Variants in ACSBG1 observed in about 807,000 individuals in gnomAD.
ACSBG1 encodes the protein acyl-CoA synthetase bubblegum family member 1, also known as long-chain-fatty-acid--CoA ligase ACSBG1.
In ACSBG1, 39 loss-of-function variants were observed where a neutral mutation model predicts 80.2. That is an observed-to-expected ratio of 0.49 (90% CI 0.38 to 0.64). The LOEUF (loss-of-function observed/expected upper bound fraction) is 0.64. Ranked by LOEUF, ACSBG1 falls within the 30% of genes least tolerant of loss-of-function variation. The pLI, the probability that ACSBG1 is intolerant of heterozygous loss-of-function variation, is 0.00. For missense variants in ACSBG1, 828 were observed against 966.4 expected (o/e 0.86, Z 1.90); for synonymous variants, 392 against 379.5 (o/e 1.03, Z -0.38).
At chr15:78,230,523 G>A (rs1241993972) in intron 1 of ACSBG1, among the ~76,000 whole-genome samples, 1 of 152,214 alleles carries the variant, frequency 6.6e-6, no homozygotes, top group Non-Finnish European at 1.5e-5. Context: ...CAGGGCAAAC[G>A]GGCAGGACTG....
Position 78,193,922 on chromosome 15 carries a change from C to T in ACSBG1, c.542+10G>A, listed in dbSNP as rs200481684. ...CCCCTGGAGACCCCGTCCCTGCCCCCGCCACTCACCCTGCAAATACTGTGC... is the reference window on the plus strand; with the variant it reads ...CCCCTGGAGACCCCGTCCCTGCCCCTGCCACTCACCCTGCAAATACTGTGC... On this transcript the variant is annotated intron_variant, in intron 4 of 13. Transcript: ENST00000258873. 29 of 1,613,594 alleles carry T rather than the reference C, an allele frequency of 1.8e-5. No individual in the cohort carries two copies. The highest frequency in any genetic ancestry group is 2.3e-5 in the Non-Finnish European group (27 of 1,179,900).
chr15:78,193,643 A>G lies in ACSBG1; in HGVS notation c.543-17T>C. The stretch of plus-strand genomic sequence containing the variant: ...ACGATGCCACTGTAGGAGACCCAGG[A>G]AGATTCACCTTAGGGGAGGTGCAGA... On this transcript the variant is annotated splice_polypyrimidine_tract_variant and intron_variant, in intron 4 of 13. Coordinates refer to ENST00000258873, the MANE Select transcript of ACSBG1 (RefSeq NM_015162.5). 1 of 1,609,748 alleles carries G rather than the reference A, an allele frequency of 6.2e-7. No homozygotes were observed. Among genetic ancestry groups the G allele is most frequent in the South Asian group, 1.1e-5 (1 of 90,254 alleles).
At chr15:78,171,706 T>G in intron 13 of ACSBG1, 177 bp from the exon 14 acceptor site, 1 of 566,358 alleles carries the variant, frequency 1.8e-6, no homozygotes, top group Non-Finnish European at 3.2e-6. Context: ...ATGGCTTGTG[T>G]GTAGTCTCCT....
chr15:78,188,253 A>C (rs904667159), intron 5 of ACSBG1, among the ~76,000 whole-genome samples: 1 of 152,008 alleles, frequency 6.6e-6, no homozygotes, highest in African/African-American at 2.4e-5. Context: ...ATACTGCCCA[A>C]GGTAATTTAC....
At chr15:78,225,517 G>A (rs762917230) in intron 1 of ACSBG1, among the ~76,000 whole-genome samples, 3 of 151,924 alleles carry the variant, frequency 2.0e-5, no homozygotes, top group Non-Finnish European at 4.4e-5. Flanking sequence ...GAAAAAATGT[G>A]CAAGATACCT....
rs913007856 is a variant in ACSBG1, at chr15:78,171,283, G to A, written c.*161C>T. 2.8e-5 allele frequency: 15 copies of A among 542,412 alleles called. No homozygotes were observed. The Admixed American group carries it at 3.5e-4, about 13-fold the overall frequency. 33.6% of individuals were successfully genotyped at this position (542,412 alleles called of 1,614,324 possible). On this transcript the variant is annotated 3_prime_UTR_variant, in exon 14 of 14. Coordinates refer to ENST00000258873, the MANE Select transcript of ACSBG1 (RefSeq NM_015162.5). ...TTCTTGGAATTGTCAGCTATTGTTG[G>A]CGTAAGACCTGGTAAATGTAGAGCC... is the stretch of plus-strand genomic sequence containing the variant.
rs1355950102 is a variant in ACSBG1, at chr15:78,182,004, C to T, written c.1036G>A (p.Ala346Thr). The T allele has an allele frequency of 2.2e-5, 35 of 1,613,908 alleles. No individual in the cohort carries two copies. Among genetic ancestry groups the T allele is most frequent in the Non-Finnish European group, 2.7e-5 (32 of 1,179,990 alleles). The change falls in exon 8 of 14, where the codon GCC (alanine) becomes ACC (threonine). Residue 346 changes from alanine to threonine, a missense_variant. Ala to Thr is a moderately conservative substitution (Grantham distance 58, BLOSUM62 0). Transcript: ENST00000258873. Reference sequence around the variant, plus strand: ...TCGGGTTCGGCAAAGCAAACCTGGGCCCCCCACTGGATGCCTGTCCACAGG... The same window carrying T: ...TCGGGTTCGGCAAAGCAAACCTGGGTCCCCCACTGGATGCCTGTCCACAGG... ...YDLWTGIQWG[A>T]QVCFAEPDAL... is the part of the protein sequence containing the mutation.
At chr15:78,191,973 A>G (rs903608016) in intron 5 of ACSBG1, among the ~76,000 whole-genome samples, 13 of 152,188 alleles carry the variant, frequency 8.5e-5, no homozygotes, top group Admixed American at 5.2e-4. Context: ...TTATGGAGGT[A>G]ATGAAGTTAA....
chr15:78,180,777 G>C lies in ACSBG1; in HGVS notation c.1231C>G (p.Gln411Glu), dbSNP rs202065533. Residue 411 changes from glutamine (Q) to glutamate (E), a missense_variant, in exon 9 of 14, where the codon CAG (glutamine) becomes GAG (glutamate). Physicochemically the swap from Gln to Glu is conservative, Grantham distance 29. Around this residue, in one of 3 missense-constraint regions of ACSBG1, gnomAD observed 271 missense variants for 375.9 expected, o/e 0.72. Transcript: ENST00000258873. ...LLWAMSVTLE[Q>E]NLTCPGSDLK... ...TACCTGCCGGGGCAGGTGAGGTTCT[G>C]CTCCAAGGTCACCGACATGGCCCAC... The C allele has an allele frequency of 6.2e-7, 1 of 1,614,122 alleles. No homozygotes were observed. The highest frequency in any genetic ancestry group is 8.5e-7 in the Non-Finnish European group (1 of 1,180,012).
At chr15:78,181,260 T>C (rs1182282849) in intron 8 of ACSBG1, among the ~76,000 whole-genome samples, 3 of 152,070 alleles carry the variant, frequency 2.0e-5, no homozygotes, top group Non-Finnish European at 4.4e-5. Flanking sequence ...AACAGACAGG[T>C]GACACTTTGG....
chr15:78,185,549 C>T (rs1482462995), intron 5 of ACSBG1, among the ~76,000 whole-genome samples: 2 of 152,032 alleles, frequency 1.3e-5, no homozygotes, highest in African/African-American at 4.8e-5. Flanking sequence ...ATCAAATATA[C>T]ATGTAATTGG....
chr15:78,215,739 A>AAAGG (rs748940789), intron 1 of ACSBG1, among the ~76,000 whole-genome samples: 4,942 of 140,562 alleles, frequency 0.035, 140 homozygotes, highest in Non-Finnish European at 0.047. Context: ...AGAAAGAAAG[A>AAAGG]AAGAAAGAAA....
rs763303156 is a variant in ACSBG1, at chr15:78,179,540, C to G, written c.1484+10G>C. Reference sequence around the variant, plus strand: ...TGGGTGTGCATGTGTGTGGCAGCCTCGAGCCTCACCTGTACAGCCGGTAGT... The same window carrying G: ...TGGGTGTGCATGTGTGTGGCAGCCTGGAGCCTCACCTGTACAGCCGGTAGT... On this transcript the variant is annotated intron_variant, in intron 10 of 13. Transcript: ENST00000258873. 2 of 1,605,514 alleles carry G rather than the reference C, an allele frequency of 1.2e-6. No homozygotes were observed. The highest frequency in any genetic ancestry group is 1.3e-5 in the African/African-American group (1 of 74,754).
chr15:78,218,183 C>A (rs2078400512), intron 1 of ACSBG1, among the ~76,000 whole-genome samples: 1 of 150,722 alleles, frequency 6.6e-6, no homozygotes, highest in African/African-American at 2.4e-5. Context: ...AGTCCCAGCT[C>A]TCAAGATAGG....
intron 1 of ACSBG1, among the ~76,000 whole-genome samples, chr15:78,215,126 G>A (rs751678823): frequency 5.9e-5 from 9 of 151,606 alleles, no homozygotes; most frequent in East Asian, 1.9e-4. Context: ...CTATATTAAC[G>A]ACCCCAATCC....
At chr15:78,210,357 T>C (rs1278679977) in intron 1 of ACSBG1, among the ~76,000 whole-genome samples, 1 of 152,228 alleles carries the variant, frequency 6.6e-6, no homozygotes, top group Non-Finnish European at 1.5e-5. Flanking sequence ...CCAAATGAAT[T>C]AAGCCTGATC....
At chr15:78,204,250 C>G (rs922620601) in intron 2 of ACSBG1, among the ~76,000 whole-genome samples, 7 of 152,190 alleles carry the variant, frequency 4.6e-5, no homozygotes, top group Non-Finnish European at 1.0e-4. Context: ...ATTGTTTTAG[C>G]TTTTTAAAAT....
At chr15:78,193,476 G>A in intron 5 of ACSBG1, 30 bp downstream of exon 5, 1 of 1,588,984 alleles carries the variant, frequency 6.3e-7, no homozygotes, top group Non-Finnish European at 8.6e-7. Flanking sequence ...CCCAGCATCT[G>A]ACCCCATGCC....
At chr15:78,194,844 G>T in intron 2 of ACSBG1, 118 bp from the exon 3 acceptor site, 1 of 1,043,426 alleles carries the variant, frequency 9.6e-7, no homozygotes, top group African/African-American at 1.6e-5. Flanking sequence ...CGGCCTTGAG[G>T]CTGGCAGGCC....
Sources: allele counts gnomAD v4.1 joint callset (sites outside exome capture counted in the v4.1 genomes callset), GRCh38; gene constraint gnomAD v4.1.1; regional missense constraint gnomAD v4.1.1; transcripts MANE v1.5; gene names NCBI Gene and HGNC (gene_info 2026-07-23, HGNC 2026-07-21).